Variants in FRMD4A observed in about 807,000 individuals in gnomAD.
The protein encoded by FRMD4A is FERM domain containing 4A, also known as FERM domain-containing protein 4A.
FRMD4A carries 29 observed loss-of-function variants against 129.1 expected under a neutral mutation model. The ratio of observed to expected loss-of-function variants is 0.22; its 90% CI spans 0.17 to 0.31. The LOEUF is 0.31. FRMD4A is among the 10% of genes least tolerant of loss of function. FRMD4A has a pLI of 1.00. For synonymous variants in FRMD4A, 634 were observed against 571.6 expected (o/e 1.11, Z -1.56); for missense variants, 1,272 against 1,375.8 (o/e 0.92, Z 1.19).
chr10:13,857,200 T>A (rs4748062), intron 3 of FRMD4A, among the ~76,000 whole-genome samples: 143,003 of 152,210 alleles, frequency 0.94, 67,203 homozygotes, highest in East Asian at 0.98. Flanking sequence ...TGGTAAAATT[T>A]TTTTTTTTAA....
At chr10:14,058,323 A>G (rs1834640082) in intron 2 of FRMD4A, among the ~76,000 whole-genome samples, 1 of 152,210 alleles carries the variant, frequency 6.6e-6, no homozygotes, top group South Asian at 2.1e-4. Context: ...ATCATTTGCT[A>G]CATGTTTGAG....
intron 2 of FRMD4A, among the ~76,000 whole-genome samples, chr10:13,967,843 T>G (rs1168907840): frequency 1.3e-5 from 2 of 152,182 alleles, no homozygotes. Context: ...CCCAGGAGTT[T>G]GAGACCAGTC....
At chr10:14,188,318 T>A (rs903446457) in intron 2 of FRMD4A, among the ~76,000 whole-genome samples, 2 of 152,196 alleles carry the variant, frequency 1.3e-5, no homozygotes, top group African/African-American at 4.8e-5. Context: ...TTTCTCAGAC[T>A]TGAATGCTTC....
At chr10:14,251,505 A>C (rs918005946) in intron 2 of FRMD4A, among the ~76,000 whole-genome samples, 2 of 152,178 alleles carry the variant, frequency 1.3e-5, no homozygotes, top group African/African-American at 4.8e-5. Context: ...TTGAAGCAGA[A>C]GTGTTTTGCT....
chr10:13,781,282 C>T (rs1283326984), intron 6 of FRMD4A, among the ~76,000 whole-genome samples: 1 of 109,966 alleles, frequency 9.1e-6, no homozygotes, highest in East Asian at 3.1e-4. Flanking sequence ...CCAGCCTGGG[C>T]GAGAGAGACC....
chr10:13,829,989 C>T (rs1325191093), intron 3 of FRMD4A, among the ~76,000 whole-genome samples: 2 of 152,206 alleles, frequency 1.3e-5, no homozygotes, highest in Admixed American at 6.5e-5. Context: ...GGCACCTGAT[C>T]GGATCCTAGC....
intron 2 of FRMD4A, among the ~76,000 whole-genome samples, chr10:14,236,950 G>T (rs1308225992): frequency 8.6e-6 from 1 of 116,850 alleles, no homozygotes; most frequent in Non-Finnish European, 1.6e-5. Flanking sequence ...GAGAATTAGA[G>T]ATACTGTAGA....
chr10:14,207,270 C>CT (rs1225869862), intron 2 of FRMD4A, among the ~76,000 whole-genome samples: 16 of 152,056 alleles, frequency 1.1e-4, no homozygotes, highest in African/African-American at 4.8e-5. Context: ...GCACCAGGGA[C>CT]TGGTTTCATG....
chr10:14,185,714 T>A (rs1355431385), intron 2 of FRMD4A, among the ~76,000 whole-genome samples: 1 of 152,062 alleles, frequency 6.6e-6, no homozygotes, highest in Non-Finnish European at 1.5e-5. Context: ...GCACCTTCAG[T>A]AGTTCTAGAG....
chr10:13,800,165 G>C (rs972494572), intron 4 of FRMD4A, among the ~76,000 whole-genome samples: 22 of 152,166 alleles, frequency 1.4e-4, no homozygotes, highest in African/African-American at 5.3e-4. Flanking sequence ...CTGGGTGACA[G>C]AGCGAGACTC....
chr10:14,242,607 A>G (rs4750496), intron 2 of FRMD4A, among the ~76,000 whole-genome samples: 99,017 of 152,088 alleles, frequency 0.65, 33,266 homozygotes, highest in East Asian at 0.73. Context: ...TGACCTCTGA[A>G]CAAAATTACA....
At chr10:14,300,381 C>T (rs1351774157) in intron 2 of FRMD4A, among the ~76,000 whole-genome samples, 2 of 152,156 alleles carry the variant, frequency 1.3e-5, no homozygotes, top group Non-Finnish European at 2.9e-5. Flanking sequence ...TTCACTTGCC[C>T]AAGGTCACAT....
chr10:13,794,554 T>C lies in FRMD4A; in HGVS notation c.299+1942A>G, dbSNP rs941784600. ...ATAATAAATTTGGCTTTGGACCTGC[T>C]GAGTTTGAAGTACTCAGGTGGGGCT... On this transcript the variant is annotated intron_variant, in intron 5 of 24. Transcript: ENST00000357447. Among the ~76,000 whole-genome samples, 7 of 152,250 alleles carry C rather than the reference T, an allele frequency of 4.6e-5. No individual in the cohort carries two copies. The South Asian group carries it at 1.2e-3, about 27-fold the overall frequency.
intron 2 of FRMD4A, among the ~76,000 whole-genome samples, chr10:14,105,382 A>C (rs1837534650): frequency 6.6e-6 from 1 of 152,108 alleles, no homozygotes; most frequent in South Asian, 2.1e-4. Flanking sequence ...CCTGGGCAAC[A>C]TAGCAAGACC....
At chr10:13,935,853 G>C (rs745543204) in intron 2 of FRMD4A, among the ~76,000 whole-genome samples, 1 of 152,210 alleles carries the variant, frequency 6.6e-6, no homozygotes, top group Non-Finnish European at 1.5e-5. Flanking sequence ...TCTGCAAGTA[G>C]AAAAAGCAAG....
At chr10:14,193,558 A>G (rs1416933793) in intron 2 of FRMD4A, among the ~76,000 whole-genome samples, 1 of 150,700 alleles carries the variant, frequency 6.6e-6, no homozygotes, top group Non-Finnish European at 1.5e-5. Context: ...ACAAGACCCC[A>G]TATGGTTTTT....
chr10:13,698,118 A>C lies in FRMD4A; in HGVS notation c.975+3222T>G, dbSNP rs545516693. Among the ~76,000 whole-genome samples the C allele has an allele frequency of 7.5e-4, 92 of 122,578 alleles. No homozygotes were observed. In the East Asian group the frequency reaches 0.019, roughly 25 times the overall value. 80.4% of individuals were successfully genotyped at this position (122,578 alleles called of 152,430 possible). On this transcript the variant is annotated intron_variant, in intron 14 of 24. Transcript: ENST00000357447. ...AGGGAGGGAGAGACAGGCAGAGAGA[A>C]AGAAGGAGAGATTTCCTTAAATGAT...
At chr10:14,274,936 C>A (rs1845287493) in intron 2 of FRMD4A, among the ~76,000 whole-genome samples, 1 of 152,216 alleles carries the variant, frequency 6.6e-6, no homozygotes, top group Non-Finnish European at 1.5e-5. Context: ...GTTCTTACTC[C>A]TGTCCTTGAG....
At chr10:13,820,300 T>G (rs1446384302) in intron 3 of FRMD4A, among the ~76,000 whole-genome samples, 1 of 152,170 alleles carries the variant, frequency 6.6e-6, no homozygotes, top group African/African-American at 2.4e-5. Flanking sequence ...TGAAGGGAAC[T>G]CAGCACTGGT....
Sources: gnomAD v4.1 joint callset for allele counts (sites outside exome capture counted in the v4.1 genomes callset) on GRCh38, gnomAD v4.1.1 for gene constraint, MANE v1.5 for transcripts, NCBI Gene and HGNC (gene_info 2026-07-23, HGNC 2026-07-21) for gene names.